TMOD3: variants seen among roughly 807,000 people sequenced by gnomAD.
TMOD3 encodes tropomodulin 3.
A neutral mutation model predicts 39.2 loss-of-function variants in TMOD3; 20 were observed. The observed-to-expected ratio is 0.51, with a 90% CI of 0.36 to 0.74. The LOEUF is 0.74. TMOD3 is among the 30% of genes least tolerant of loss of function. The pLI, the probability that TMOD3 is intolerant of heterozygous loss-of-function variation, is 0.00. For missense variants in TMOD3, 381 were observed against 412.8 expected, an observed-to-expected ratio of 0.92 and a Z score of 0.67; for synonymous variants, 143 against 145.8, an observed-to-expected ratio of 0.98 and a Z score of 0.14.
intron 1 of TMOD3, among the ~76,000 whole-genome samples, chr15:51,854,368 T>G (rs2056377716): frequency 6.6e-6 from 1 of 152,132 alleles, no homozygotes; most frequent in Non-Finnish European, 1.5e-5. Flanking sequence ...AACCCTGTTG[T>G]GGGTAATATG....
At chr15:51,848,216 A>C (rs1043015098) in intron 1 of TMOD3, among the ~76,000 whole-genome samples, 1 of 152,212 alleles carries the variant, frequency 6.6e-6, no homozygotes, top group Non-Finnish European at 1.5e-5. Flanking sequence ...TAAGACAGAC[A>C]CTGAATATAT....
intron 9 of TMOD3, among the ~76,000 whole-genome samples, chr15:51,904,092 T>A (rs2056666012): frequency 6.6e-6 from 1 of 152,198 alleles, no homozygotes; most frequent in African/African-American, 2.4e-5. Flanking sequence ...GTGATGGGAT[T>A]TGGGTTGTAG....
Position 51,843,895 on chromosome 15 carries a change from T to TG in TMOD3, c.-75+14059_-75+14060insG, listed in dbSNP as rs913066935. On this transcript the variant is annotated intron_variant, in intron 1 of 9. Coordinates refer to ENST00000308580, the MANE Select transcript of TMOD3 (RefSeq NM_014547.5). ...GCTATTGGTTTCGCAGATTGCTAGT[T>TG]TTTTTTTTTTAATAGCATTCTGAAA... is the stretch of plus-strand genomic sequence containing the variant. Among the ~76,000 whole-genome samples the TG allele has an allele frequency of 8.6e-5, 13 of 151,006 alleles. No homozygotes were observed. The South Asian group carries it at 1.3e-3, about 15-fold the overall frequency.
chr15:51,867,757 A>T (rs1053633885), intron 2 of TMOD3, among the ~76,000 whole-genome samples: 1 of 152,206 alleles, frequency 6.6e-6, no homozygotes. Flanking sequence ...CAAAGCAAAG[A>T]TATACCCAGA....
chr15:51,887,050 C>G (rs1252683699), intron 3 of TMOD3, among the ~76,000 whole-genome samples: 1 of 151,888 alleles, frequency 6.6e-6, no homozygotes, highest in African/African-American at 2.4e-5. Flanking sequence ...AAAACCCTGT[C>G]TCTACTAAAA....
intron 1 of TMOD3, chr15:51,860,062 C>T: frequency 5.8e-6 from 3 of 521,418 alleles, no homozygotes; most frequent in South Asian, 2.8e-5. Flanking sequence ...AGCATCTGTC[C>T]TCCTTCTGGC....
At chr15:51,902,636 A>AT (rs1555388650) in intron 9 of TMOD3, among the ~76,000 whole-genome samples, 14 of 114,916 alleles carry the variant, frequency 1.2e-4, no homozygotes, top group South Asian at 6.0e-4. Context: ...TGCCCAGCTA[A>AT]TTTTTGTATT....
At chr15:51,852,198 G>A (rs2056365649) in intron 1 of TMOD3, among the ~76,000 whole-genome samples, 1 of 152,196 alleles carries the variant, frequency 6.6e-6, no homozygotes, top group Non-Finnish European at 1.5e-5. Context: ...CAAAAGAACA[G>A]TAAGTATATT....
intron 6 of TMOD3, among the ~76,000 whole-genome samples, chr15:51,894,927 A>G (rs926999987): frequency 5.9e-5 from 9 of 152,246 alleles, no homozygotes; most frequent in African/African-American, 1.2e-4. Flanking sequence ...GTTTTAAACA[A>G]TGCAACTCTT....
intron 1 of TMOD3, among the ~76,000 whole-genome samples, chr15:51,848,889 AATTT>A (rs1320018502): frequency 1.1e-4 from 16 of 152,226 alleles, no homozygotes; most frequent in African/African-American, 3.9e-4. Context: ...AGAGCAGGCC[AATTT>A]CTAATTTTGG....
intron 3 of TMOD3, among the ~76,000 whole-genome samples, chr15:51,880,541 C>T (rs2056527538): frequency 6.6e-6 from 1 of 152,186 alleles, no homozygotes; most frequent in Non-Finnish European, 1.5e-5. Flanking sequence ...AACTTTCTTT[C>T]TGGATTTGCC....
At chr15:51,852,443 C>A (rs1183511825) in intron 1 of TMOD3, among the ~76,000 whole-genome samples, 4 of 151,142 alleles carry the variant, frequency 2.6e-5, no homozygotes, top group Admixed American at 6.6e-5. Flanking sequence ...AAAAAAAAAT[C>A]AAATTTTCAT....
At position 51,909,513 on chromosome 15, in the gene TMOD3, G is replaced by A. The variant is rs2056699395; in HGVS notation, c.*703G>A. 6.6e-6 allele frequency: 1 copy of A among 152,386 alleles called. No homozygotes were observed. The highest frequency in any genetic ancestry group is 6.6e-5 in the Admixed American group (1 of 15,242). The allele number at this position is 152,386 out of a possible 1,614,324, so 9.4% of individuals were successfully genotyped here. A position where few individuals can be genotyped will look rare whatever the true frequency, so the allele number is the denominator to read the frequency against. On this transcript the variant is annotated 3_prime_UTR_variant, in exon 10 of 10. Coordinates refer to ENST00000308580, the MANE Select transcript of TMOD3 (RefSeq NM_014547.5). The stretch of plus-strand genomic sequence containing the variant: ...TAGTGAGGTCGAAGTTCATTCCAGT[G>A]TTTCATTTTAATAATGTGGGCATTA...
At chr15:51,864,847 G>C (rs1378218494) in intron 2 of TMOD3, among the ~76,000 whole-genome samples, 2 of 152,118 alleles carry the variant, frequency 1.3e-5, no homozygotes, top group African/African-American at 4.8e-5. Flanking sequence ...TAGGAGAATT[G>C]GTTGGTTTGC....
chr15:51,887,784 C>A, intron 4 of TMOD3, 73 bp downstream of exon 4: 2 of 1,564,958 alleles, frequency 1.3e-6, no homozygotes, highest in South Asian at 2.4e-5. Flanking sequence ...TACCTATATA[C>A]ATTATACAAA....
rs2056696877 is a variant in TMOD3, at chr15:51,908,977, T to C, written c.*167T>C. On this transcript the variant is annotated 3_prime_UTR_variant, in exon 10 of 10. Coordinates refer to ENST00000308580, the MANE Select transcript of TMOD3 (RefSeq NM_014547.5). ...TCAAATTGTAAAATCAGTAATGTGA[T>C]ATTTTATATTCTGAAACATTTCTAC... is the stretch of plus-strand genomic sequence containing the variant. 1 of 440,356 alleles carries C rather than the reference T, an allele frequency of 2.3e-6. No homozygotes were observed. Among genetic ancestry groups the C allele is most frequent in the African/African-American group, 2.0e-5 (1 of 49,280 alleles). The allele number at this position is 440,356 out of a possible 1,614,324, so 27.3% of individuals were successfully genotyped here. A position where few individuals can be genotyped will look rare whatever the true frequency, so the allele number is the denominator to read the frequency against.
chr15:51,853,037 T>C (rs572267491), intron 1 of TMOD3, among the ~76,000 whole-genome samples: 9 of 152,190 alleles, frequency 5.9e-5, no homozygotes, highest in Non-Finnish European at 1.3e-4. Context: ...AACTGGCATG[T>C]AGCAACCATA....
intron 3 of TMOD3, among the ~76,000 whole-genome samples, chr15:51,886,494 G>A (rs1005418815): frequency 6.6e-6 from 1 of 152,240 alleles, no homozygotes; most frequent in Admixed American, 6.5e-5. Context: ...GCGAAACCCC[G>A]TCTCCACCAA....
chr15:51,892,019 G>C (rs1301055646), intron 5 of TMOD3, among the ~76,000 whole-genome samples: 1 of 152,132 alleles, frequency 6.6e-6, no homozygotes, highest in Admixed American at 6.5e-5. Context: ...TTTTTCACCT[G>C]ACCTCGGGAA....
Sources: allele counts gnomAD v4.1 joint callset (sites outside exome capture counted in the v4.1 genomes callset), GRCh38; gene constraint gnomAD v4.1.1; transcripts MANE v1.5; gene names NCBI Gene and HGNC (gene_info 2026-07-23, HGNC 2026-07-21).